The following KCNB2 variants were observed in gnomAD, a reference collection of about 807,000 sequenced individuals.
KCNB2 encodes the protein potassium voltage-gated channel subfamily B member 2, also known as delayed rectifier potassium channel protein.
KCNB2 carries 15 observed loss-of-function variants against 61.5 expected under a neutral mutation model. The ratio of observed to expected loss-of-function variants is 0.24; its 90% CI spans 0.16 to 0.38. The LOEUF is 0.38. Among genes scored for constraint, KCNB2 ranks in the 10% least tolerant of loss-of-function variants. The pLI, the probability that KCNB2 is intolerant of heterozygous loss-of-function variation, is 1.00. For synonymous variants in KCNB2, 457 were observed against 446.0 expected, an observed-to-expected ratio of 1.02 and a Z score of -0.31; for missense variants, 828 against 1,125.2, an observed-to-expected ratio of 0.74 and a Z score of 3.78.
At chr8:72,577,038 G>A (rs7010480) in intron 2 of KCNB2, among the ~76,000 whole-genome samples, 88,974 of 152,038 alleles carry the variant, frequency 0.59, 29,652 homozygotes, top group Admixed American at 0.72. Flanking sequence ...TTTATTTTTG[G>A]CTGTGCATAT....
chr8:72,588,150 A>G (rs1807029304), intron 2 of KCNB2, among the ~76,000 whole-genome samples: 1 of 151,232 alleles, frequency 6.6e-6, no homozygotes, highest in Non-Finnish European at 1.5e-5. Flanking sequence ...CACATTTTAG[A>G]GTTTTTGATT....
chr8:72,646,580 G>A (rs1806132384), intron 2 of KCNB2, among the ~76,000 whole-genome samples: 1 of 152,158 alleles, frequency 6.6e-6, no homozygotes, highest in African/African-American at 2.4e-5. Context: ...CTACAACATG[G>A]ATGAACCTCG....
rs1317124485 is a variant in KCNB2, at chr8:72,897,779, T to A, written c.580-38156T>A. Among the ~76,000 whole-genome samples the A allele has an allele frequency of 3.3e-5, 5 of 152,156 alleles. 1 individual carries two copies. The highest frequency in any genetic ancestry group is 1.2e-4 in the African/African-American group (5 of 41,450). Reference sequence around the variant, plus strand: ...AGGAGGGATGGCTGTTTTAAATGAATCCTAAATGTGGGAAATCAATATAAA... The same window carrying A: ...AGGAGGGATGGCTGTTTTAAATGAAACCTAAATGTGGGAAATCAATATAAA... On this transcript the variant is annotated intron_variant, in intron 2 of 2. Transcript: ENST00000523207.
At chr8:72,678,661 T>C (rs1290783378) in intron 2 of KCNB2, among the ~76,000 whole-genome samples, 1 of 152,256 alleles carries the variant, frequency 6.6e-6, no homozygotes, top group Admixed American at 6.5e-5. Flanking sequence ...TCTTGCCTTA[T>C]TTTGTTCAAA....
At position 72,843,837 on chromosome 8, in the gene KCNB2, C is replaced by T. The variant is rs148449676; in HGVS notation, c.580-92098C>T. Among the ~76,000 whole-genome samples, 103 of 152,228 alleles carry T rather than the reference C, an allele frequency of 6.8e-4. No individual in the cohort carries two copies. In the East Asian group the frequency reaches 0.017, roughly 25 times the overall value. ...TTTTGAGCCTATGTATGTCTTTGAA[C>T]GTGAGATGGGTCTCCTGAATACAGC... On this transcript the variant is annotated intron_variant, in intron 2 of 2. Coordinates refer to ENST00000523207, the MANE Select transcript of KCNB2 (RefSeq NM_004770.3).
chr8:72,569,777 A>G (rs1465399990), intron 2 of KCNB2, among the ~76,000 whole-genome samples: 2 of 152,166 alleles, frequency 1.3e-5, no homozygotes, highest in Non-Finnish European at 2.9e-5. Flanking sequence ...TCTGGATTTA[A>G]GTGAGTATTG....
intron 2 of KCNB2, among the ~76,000 whole-genome samples, chr8:72,582,938 A>C (rs1806930004): frequency 2.0e-5 from 3 of 152,106 alleles, no homozygotes; most frequent in Non-Finnish European, 4.4e-5. Context: ...ATACATTCTT[A>C]ATGATGTAAT....
chr8:72,686,458 C>A (rs1273083072), intron 2 of KCNB2, among the ~76,000 whole-genome samples: 1 of 152,142 alleles, frequency 6.6e-6, no homozygotes, highest in African/African-American at 2.4e-5. Context: ...AGTGATCCTC[C>A]TGCCTCAGCC....
At chr8:72,816,959 T>G (rs994854374) in intron 2 of KCNB2, among the ~76,000 whole-genome samples, 4 of 152,180 alleles carry the variant, frequency 2.6e-5, no homozygotes, top group African/African-American at 9.7e-5. Flanking sequence ...GGGGAGTTTT[T>G]CTACTCCCAA....
intron 2 of KCNB2, among the ~76,000 whole-genome samples, chr8:72,771,194 T>C (rs1432414582): frequency 6.6e-6 from 1 of 152,176 alleles, no homozygotes; most frequent in East Asian, 1.9e-4. Flanking sequence ...GTTGTGATGA[T>C]AAAAAGGAGG....
At chr8:72,608,850 A>T (rs572262600) in intron 2 of KCNB2, among the ~76,000 whole-genome samples, 1 of 152,264 alleles carries the variant, frequency 6.6e-6, no homozygotes, top group South Asian at 2.1e-4. Flanking sequence ...CCAACTTGTG[A>T]AGTTTGGGCT....
chr8:72,542,186 A>G (rs971707303), intron 1 of KCNB2, among the ~76,000 whole-genome samples: 4 of 152,154 alleles, frequency 2.6e-5, no homozygotes, highest in African/African-American at 9.6e-5. Context: ...TATGTGAACA[A>G]TGTCATCCAG....
chr8:72,701,711 C>T (rs13260357), intron 2 of KCNB2, among the ~76,000 whole-genome samples: 61,283 of 151,952 alleles, frequency 0.4, 14,765 homozygotes, highest in Non-Finnish European at 0.56. Context: ...GGTATAAGGA[C>T]ATTAATTGAG....
intron 2 of KCNB2, among the ~76,000 whole-genome samples, chr8:72,804,243 C>A (rs1207720862): frequency 6.6e-6 from 1 of 151,940 alleles, no homozygotes; most frequent in East Asian, 1.9e-4. Flanking sequence ...CTTCAGTAGT[C>A]CAAGGCAACG....
At chr8:72,680,177 C>T (rs1806728289) in intron 2 of KCNB2, among the ~76,000 whole-genome samples, 1 of 152,120 alleles carries the variant, frequency 6.6e-6, no homozygotes, top group South Asian at 2.1e-4. Flanking sequence ...CTTTCCTGGG[C>T]CTGTGCTACA....
chr8:72,834,409 C>T (rs1327316694), intron 2 of KCNB2, among the ~76,000 whole-genome samples: 1 of 152,200 alleles, frequency 6.6e-6, no homozygotes, highest in Non-Finnish European at 1.5e-5. Flanking sequence ...AGGGCATGAA[C>T]TTGGGTCAGT....
chr8:72,722,967 A>C (rs1303172896), intron 2 of KCNB2, among the ~76,000 whole-genome samples: 2 of 152,068 alleles, frequency 1.3e-5, no homozygotes, highest in Non-Finnish European at 2.9e-5. Flanking sequence ...CTCACCAGTC[A>C]CTTGAAAATT....
chr8:72,695,684 C>T (rs979998547), intron 2 of KCNB2, among the ~76,000 whole-genome samples: 1 of 152,092 alleles, frequency 6.6e-6, no homozygotes, highest in Non-Finnish European at 1.5e-5. Context: ...TACCAAATAC[C>T]TACTCTTTTT....
intron 2 of KCNB2, among the ~76,000 whole-genome samples, chr8:72,849,118 G>GCCA (rs1268360511): frequency 7.8e-6 from 1 of 128,594 alleles, no homozygotes; most frequent in Non-Finnish European, 1.6e-5. Flanking sequence ...CATTTTCTTA[G>GCCA]CCACAAAAAG....
Sources: gnomAD v4.1 joint callset for allele counts (sites outside exome capture counted in the v4.1 genomes callset) on GRCh38, gnomAD v4.1.1 for gene constraint, MANE v1.5 for transcripts, NCBI Gene and HGNC (gene_info 2026-07-23, HGNC 2026-07-21) for gene names.